The following PLEKHA3 variants were observed in gnomAD, a reference collection of about 807,000 sequenced individuals.
PLEKHA3 encodes the protein pleckstrin homology domain containing A3.
PLEKHA3 carries 19 observed loss-of-function variants against 39.2 expected under a neutral mutation model. The observed-to-expected ratio is 0.48, with a 90% CI of 0.34 to 0.71. The LOEUF is 0.71. PLEKHA3 is among the 30% of genes least tolerant of loss of function. The pLI is 0.01. For missense variants in PLEKHA3, 253 were observed against 359.5 expected, an observed-to-expected ratio of 0.70 and a Z score of 2.40; for synonymous variants, 97 against 118.6, an observed-to-expected ratio of 0.82 and a Z score of 1.18.
rs1042518349 is a variant in PLEKHA3, at chr2:178,506,314, A to G, written c.*2427A>G. 1.3e-5 allele frequency: 2 copies of G among 152,096 alleles called. No homozygotes were observed. Among genetic ancestry groups the G allele is most frequent in the Admixed American group, 6.6e-5 (1 of 15,262 alleles). The allele number at this position is 152,096 out of a possible 1,614,324, so 9.4% of individuals were successfully genotyped here. On this transcript the variant is annotated 3_prime_UTR_variant, in exon 8 of 8. Coordinates refer to ENST00000234453, the MANE Select transcript of PLEKHA3 (RefSeq NM_019091.4). ...TAAGCAAAAGCAGTGCTTGTTTTTC[A>G]TTTCAAGTGCTTGCTCACTATTCTT... is the stretch of plus-strand genomic sequence containing the variant.
In PLEKHA3 at chr2:178,513,568, CAG is replaced by C. The variant is rs1491211619; in HGVS notation, c.*9682_*9683del. Reference sequence around the variant, plus strand: ...TTTAATTGTGTATGCGTGAGTGTGACAGTGTGTGTGCCTGTGTCTCTATCTGT... The same window carrying C: ...TTTAATTGTGTATGCGTGAGTGTGACTGTGTGTGCCTGTGTCTCTATCTGT... On this transcript the variant is annotated 3_prime_UTR_variant, in exon 8 of 8. Transcript: ENST00000234453. 6.6e-6 allele frequency: 1 copy of C among 152,130 alleles called. No homozygotes were observed. Among genetic ancestry groups the C allele is most frequent in the Non-Finnish European group, 1.5e-5 (1 of 68,032 alleles). 9.4% of individuals were successfully genotyped at this position (152,130 alleles called of 1,614,324 possible).
At chr2:178,489,807 A>G (rs184637381) in intron 2 of PLEKHA3, among the ~76,000 whole-genome samples, 1 of 152,168 alleles carries the variant, frequency 6.6e-6, no homozygotes, top group East Asian at 1.9e-4. Flanking sequence ...GCCTTTTTAA[A>G]TTACTTTCTC....
At position 178,502,350 on chromosome 2, in the gene PLEKHA3, A is replaced by T. The variant is rs561490291; in HGVS notation, c.775+1174A>T. The T allele has an allele frequency of 2.3e-5, 10 of 428,828 alleles. No homozygotes were observed. In the East Asian group the frequency reaches 1.0e-3, roughly 44 times the overall value. The allele number at this position is 428,828 out of a possible 1,614,324, so 26.6% of individuals were successfully genotyped here. A position where few individuals can be genotyped will look rare whatever the true frequency, so the allele number is the denominator to read the frequency against. ...TTTAAATTGAGATGTGGGTGGAGAA[A>T]TGAAGGAAAGAAACCGGGAAGGGGA... On this transcript the variant is annotated intron_variant, in intron 7 of 7. Coordinates refer to ENST00000234453, the MANE Select transcript of PLEKHA3 (RefSeq NM_019091.4).
In PLEKHA3 at chr2:178,514,533, A is replaced by C. The variant is rs915124339; in HGVS notation, c.*10646A>C. 2.0e-5 allele frequency: 3 copies of C among 151,698 alleles called. No individual in the cohort carries two copies. Among genetic ancestry groups the C allele is most frequent in the African/African-American group, 7.2e-5 (3 of 41,420 alleles). The allele number at this position is 151,698 out of a possible 1,614,324, so 9.4% of individuals were successfully genotyped here. On this transcript the variant is annotated 3_prime_UTR_variant, in exon 8 of 8. Transcript: ENST00000234453. ...CATACATATACTTTAAAATGGGAAC[A>C]AACATAGCCTGTCATGTCTTTATTT...
chr2:178,495,606 A>G lies in PLEKHA3; in HGVS notation c.561A>G (p.Gln187=), dbSNP rs2154127842. The change falls in exon 5 of 8, where the codon CAA becomes CAG. Residue 187 remains glutamine (Q), a synonymous_variant. Coordinates refer to ENST00000234453, the MANE Select transcript of PLEKHA3 (RefSeq NM_019091.4). ...ANAKFKPEMF[Q]LHHPDPLVSP... ...CCAAGTTTAAACCTGAGATGTTTCA[A>G]CTGCACCATCCGGATCCCTTAGTTT... 3 of 1,614,126 alleles carry G rather than the reference A, an allele frequency of 1.9e-6. No homozygotes were observed. Among genetic ancestry groups the G allele is most frequent in the Non-Finnish European group, 2.5e-6 (3 of 1,179,998 alleles).
At chr2:178,495,855 C>T (rs1050699385) in intron 5 of PLEKHA3, among the ~76,000 whole-genome samples, 195 bp downstream of exon 5, 3 of 152,176 alleles carry the variant, frequency 2.0e-5, no homozygotes, top group Admixed American at 6.6e-5. Flanking sequence ...GTGCTAGTGT[C>T]CTCATTCCCT....
Position 178,506,677 on chromosome 2 carries a change from C to T in PLEKHA3, c.*2790C>T, listed in dbSNP as rs567400159. On this transcript the variant is annotated 3_prime_UTR_variant, in exon 8 of 8. Transcript: ENST00000234453. ...ACTAATTCCATATACATGATAATACCACTAATTTGGACTCTGCTAGTTCTT... is the reference window on the plus strand; with the variant it reads ...ACTAATTCCATATACATGATAATACTACTAATTTGGACTCTGCTAGTTCTT... The T allele has an allele frequency of 6.6e-6, 1 of 152,172 alleles. No individual in the cohort carries two copies. The highest frequency in any genetic ancestry group is 1.5e-5 in the Non-Finnish European group (1 of 68,012). 9.4% of individuals were successfully genotyped at this position (152,172 alleles called of 1,614,324 possible).
intron 1 of PLEKHA3, among the ~76,000 whole-genome samples, chr2:178,483,355 A>G (rs1262773806): frequency 6.6e-6 from 1 of 152,092 alleles, no homozygotes. Context: ...AAAAAAAAGA[A>G]TTTTAAAAAG....
chr2:178,504,237 G>T lies in PLEKHA3; in HGVS notation c.*350G>T. On this transcript the variant is annotated 3_prime_UTR_variant, in exon 8 of 8. Coordinates refer to ENST00000234453, the MANE Select transcript of PLEKHA3 (RefSeq NM_019091.4). Reference sequence around the variant, plus strand: ...AGGGTGTATTGTAGCTTATAAACATGAAATCTTATAAGGTTTCAGTTTGAC... The same window carrying T: ...AGGGTGTATTGTAGCTTATAAACATTAAATCTTATAAGGTTTCAGTTTGAC... The T allele has an allele frequency of 5.9e-6, 1 of 170,370 alleles. No homozygotes were observed. The highest frequency in any genetic ancestry group is 1.5e-4 in the East Asian group (1 of 6,670). The allele number at this position is 170,370 out of a possible 1,614,324, so 10.6% of individuals were successfully genotyped here.
At chr2:178,495,396 A>T in intron 4 of PLEKHA3, 100 bp from the exon 5 acceptor site, 1 of 1,103,698 alleles carries the variant, frequency 9.1e-7, no homozygotes, top group Non-Finnish European at 1.3e-6. Context: ...ATAACATAGT[A>T]ATGTGTCTGT....
intron 1 of PLEKHA3, among the ~76,000 whole-genome samples, 161 bp downstream of exon 1, chr2:178,481,070 A>G (rs1462822706): frequency 6.6e-6 from 1 of 151,680 alleles, no homozygotes; most frequent in East Asian, 1.9e-4. Context: ...TCTTCAGGGG[A>G]GGGTTTGAGG....
Position 178,487,123 on chromosome 2 carries a change from A to G in PLEKHA3, c.157+1366A>G, listed in dbSNP as rs551602959. 4.2e-4 allele frequency among the ~76,000 whole-genome samples: 64 copies of G among 152,324 alleles called. 2 individuals are homozygous for G. The highest frequency in any genetic ancestry group is 2.4e-4 in the Non-Finnish European group (16 of 68,028). ...GGGGAGACAGTGTCAGTGGAGGGAAAGTTACTAAAAGGTAAGTGGGGGGAT... is the reference window on the plus strand; with the variant it reads ...GGGGAGACAGTGTCAGTGGAGGGAAGGTTACTAAAAGGTAAGTGGGGGGAT... On this transcript the variant is annotated intron_variant, in intron 2 of 7. Transcript: ENST00000234453.
intron 3 of PLEKHA3, among the ~76,000 whole-genome samples, chr2:178,491,326 A>G (rs757506093): frequency 8.5e-5 from 13 of 152,160 alleles, no homozygotes; most frequent in Non-Finnish European, 1.8e-4. Context: ...TCGTGCTTTC[A>G]CTGGCTGATA....
Position 178,510,958 on chromosome 2 carries a change from A to G in PLEKHA3, c.*7071A>G, listed in dbSNP as rs1398914352. On this transcript the variant is annotated 3_prime_UTR_variant, in exon 8 of 8. Transcript: ENST00000234453. ...GATTTTTTTTATAAGTTAATGTTTT[A>G]AAACAAAATAATTGTGTTCTAGGTA... The G allele has an allele frequency of 6.6e-6, 1 of 152,192 alleles. No individual in the cohort carries two copies. Among genetic ancestry groups the G allele is most frequent in the Non-Finnish European group, 1.5e-5 (1 of 68,036 alleles). The allele number at this position is 152,192 out of a possible 1,614,324, so 9.4% of individuals were successfully genotyped here. A position where few individuals can be genotyped will look rare whatever the true frequency, so the allele number is the denominator to read the frequency against.
Position 178,493,901 on chromosome 2 carries a change from G to C in PLEKHA3, c.362G>C (p.Arg121Pro). ...CTGAAAACCAAAATGTCTGAACTTC[G>C]CCTCTACTGTGACCTCTTAATGCAG... ...ESLKTKMSEL[R>P]LYCDLLMQQV... is the part of the protein sequence containing the mutation. The change falls in exon 4 of 8, where the codon CGC becomes CCC. Residue 121 changes from arginine to proline, a missense_variant. Physicochemically the swap from Arg to Pro is moderately radical, Grantham distance 103 (BLOSUM62 -2). This residue lies in a region of PLEKHA3 where 126 missense variants were observed against 222.7 expected (regional missense o/e 0.57). Transcript: ENST00000234453. 6.2e-7 allele frequency: 1 copy of C among 1,613,806 alleles called. No individual in the cohort carries two copies. The highest frequency in any genetic ancestry group is 8.5e-7 in the Non-Finnish European group (1 of 1,179,850).
At chr2:178,488,606 A>G (rs1685294662) in intron 2 of PLEKHA3, among the ~76,000 whole-genome samples, 1 of 152,206 alleles carries the variant, frequency 6.6e-6, no homozygotes. Flanking sequence ...TTGTGCAGAT[A>G]TTACATTGTG....
chr2:178,495,162 GAAAGTGA>G (rs1282632034), intron 4 of PLEKHA3, among the ~76,000 whole-genome samples: 2 of 152,078 alleles, frequency 1.3e-5, no homozygotes, highest in Non-Finnish European at 2.9e-5. Context: ...CCACTTTTGG[GAAAGTGA>G]AAATTACTGT....
chr2:178,496,134 A>G (rs1215794159), intron 5 of PLEKHA3, among the ~76,000 whole-genome samples: 1 of 152,202 alleles, frequency 6.6e-6, no homozygotes, highest in African/African-American at 2.4e-5. Flanking sequence ...AGAGTAGCTG[A>G]TCTTCAGTTT....
At chr2:178,499,114 A>T in intron 5 of PLEKHA3, 97 bp from the exon 6 acceptor site, 3 of 1,226,976 alleles carry the variant, frequency 2.4e-6, no homozygotes, top group Non-Finnish European at 3.4e-6. Context: ...TCTCTGAGTA[A>T]ATTTATGTTT....
Sources: gnomAD v4.1 joint callset for allele counts (sites outside exome capture counted in the v4.1 genomes callset) on GRCh38, gnomAD v4.1.1 for gene constraint, gnomAD v4.1.1 regional missense constraint, MANE v1.5 for transcripts, NCBI Gene and HGNC (gene_info 2026-07-23, HGNC 2026-07-21) for gene names.